Variants in PRAG1 observed in about 807,000 individuals in gnomAD.
The protein encoded by PRAG1 is PEAK1 related, kinase-activating pseudokinase 1.
Under a neutral mutation model 95.6 loss-of-function variants are expected in PRAG1, and 110 were observed. That is an observed-to-expected ratio of 1.15 (90% CI 0.99 to 1.35). The LOEUF is 1.35. Ranked by LOEUF, PRAG1 falls within the 40% of genes most tolerant of loss-of-function variation. PRAG1 has a pLI of 0.00. For synonymous variants in PRAG1, 1,052 were observed against 819.4 expected (o/e 1.28, Z -4.85); for missense variants, 2,554 against 1,864.7 (o/e 1.37, Z -6.81).
Position 8,319,059 on chromosome 8 carries a change from C to A in PRAG1, c.3316G>T (p.Asp1106Tyr), listed in dbSNP as rs754582034. 6 of 1,612,218 alleles carry A rather than the reference C, an allele frequency of 3.7e-6. No individual in the cohort carries two copies. The highest frequency in any genetic ancestry group is 5.1e-6 in the Non-Finnish European group (6 of 1,179,786). ...TCCGCCTGGTGGCTGGCCGCCGAGT[C>A]CCGCACGAAGTCGGAGGCGGTCTGA... ...PHQTASDFVR[D>Y]SAASHQAEPE... Residue 1106 changes from aspartate (D) to tyrosine (Y), a missense_variant, in exon 6 of 6, where the codon GAC (aspartate) becomes TAC (tyrosine). By Grantham distance (160) the Asp-to-Tyr change is radical. Transcript: ENST00000615670.
intron 4 of PRAG1, among the ~76,000 whole-genome samples, chr8:8,339,251 C>G (rs1799090019): frequency 6.6e-6 from 1 of 152,186 alleles, no homozygotes; most frequent in Non-Finnish European, 1.5e-5. Context: ...CACCATGTTG[C>G]CACGTCCACA....
intron 3 of PRAG1, among the ~76,000 whole-genome samples, chr8:8,365,548 C>T (rs555445201): frequency 2.0e-5 from 3 of 152,154 alleles, no homozygotes; most frequent in Non-Finnish European, 4.4e-5. Context: ...CACTTAAGCC[C>T]AGGAGTTGGA....
At chr8:8,338,229 C>G (rs1799052758) in intron 4 of PRAG1, among the ~76,000 whole-genome samples, 2 of 152,218 alleles carry the variant, frequency 1.3e-5, no homozygotes, top group African/African-American at 4.8e-5. Context: ...TTAACCTTAT[C>G]TTTCCTAGTC....
Position 8,319,146 on chromosome 8 carries a change from G to T in PRAG1, c.3229C>A (p.Pro1077Thr). The change falls in exon 6 of 6, where the codon CCC becomes ACC. Residue 1077 changes from proline to threonine, a missense_variant. By Grantham distance (38) the Pro-to-Thr change is conservative. Coordinates refer to ENST00000615670, the MANE Select transcript of PRAG1 (RefSeq NM_001080826.3). Reference sequence around the variant, plus strand: ...TGCTCCTGGGCAGGGGGGTGTGTGGGCAGGGCAGGCACAGGGTCCTTGGGC... The same window carrying T: ...TGCTCCTGGGCAGGGGGGTGTGTGGTCAGGGCAGGCACAGGGTCCTTGGGC... ...DAPKDPVPAL[P>T]THPPAQEQDC... 1 of 1,605,448 alleles carries T rather than the reference G, an allele frequency of 6.2e-7. No individual in the cohort carries two copies. Among genetic ancestry groups the T allele is most frequent in the Non-Finnish European group, 8.5e-7 (1 of 1,176,418 alleles).
Position 8,318,195 on chromosome 8 carries a change from C to T in PRAG1, c.4180G>A (p.Gly1394Arg), listed in dbSNP as rs199946131. The change falls in exon 6 of 6, where the codon GGG becomes AGG. Residue 1394 changes from glycine (G) to arginine (R), a missense_variant. Physicochemically the swap from Gly to Arg is moderately radical, Grantham distance 125. Coordinates refer to ENST00000615670, the MANE Select transcript of PRAG1 (RefSeq NM_001080826.3). This position sits in a 1 kb window ranked among gnomAD's most constrained non-coding sequence, Gnocchi z 4.2. ...CCQYLASAEP[G>R]ALLQSLKLLQ... is the part of the protein sequence containing the mutation. ...AGCTTCAGCGACTGTAAGAGGGCCC[C>T]GGGCTCCGCAGACGCCAGGTACTGG... 66 of 1,614,004 alleles carry T rather than the reference C, an allele frequency of 4.1e-5. No homozygotes were observed. The African/African-American group carries it at 7.7e-4, about 19-fold the overall frequency.
rs1372071240 is a variant in PRAG1 at position 8,376,308 on chromosome 8, A to G, written c.2101T>C (p.Phe701Leu). The G allele has an allele frequency of 6.2e-7, 1 of 1,613,930 alleles. No individual in the cohort carries two copies. Among genetic ancestry groups the G allele is most frequent in the African/African-American group, 1.3e-5 (1 of 74,878 alleles). Reference protein sequence around the residue: ...MSKSASFAFEFPKDRSGIETF... With the variant: ...MSKSASFAFELPKDRSGIETF... ...TCAATCCCACTTCTGTCCTTGGGGA[A>G]CTCAAAGGCAAAAGAGGCGGATTTG... is the stretch of plus-strand genomic sequence containing the variant. Residue 701 changes from phenylalanine (F) to leucine (L), a missense_variant, in exon 3 of 6, where the codon TTC (phenylalanine) becomes CTC (leucine). Coordinates refer to ENST00000615670, the MANE Select transcript of PRAG1 (RefSeq NM_001080826.3).
chr8:8,383,886 G>A (rs150784797), intron 1 of PRAG1, among the ~76,000 whole-genome samples: 52 of 152,258 alleles, frequency 3.4e-4, no homozygotes, highest in African/African-American at 1.2e-3. Flanking sequence ...GTTTTGGGAG[G>A]GGGAAAAAGC....
rs1293417856 is a variant in PRAG1, at chr8:8,319,055, G to A, written c.3320C>T (p.Ser1107Leu). The A allele has an allele frequency of 6.2e-6, 10 of 1,612,460 alleles. No homozygotes were observed. The South Asian group carries it at 6.6e-5, about 11-fold the overall frequency. The stretch of plus-strand genomic sequence containing the variant: ...GGGCTCCGCCTGGTGGCTGGCCGCC[G>A]AGTCCCGCACGAAGTCGGAGGCGGT... ...HQTASDFVRDSAASHQAEPEA... is the reference protein window; with the variant it reads ...HQTASDFVRDLAASHQAEPEA... The change falls in exon 6 of 6, where the codon TCG becomes TTG. Residue 1107 changes from serine (S) to leucine (L), a missense_variant. By Grantham distance (145) the Ser-to-Leu change is moderately radical. Transcript: ENST00000615670.
chr8:8,346,447 G>A (rs761333488), intron 3 of PRAG1, among the ~76,000 whole-genome samples: 9 of 152,204 alleles, frequency 5.9e-5, no homozygotes, highest in South Asian at 2.1e-4. Context: ...CCAGTGGCAC[G>A]GTGTCCTCAG....
intron 5 of PRAG1, among the ~76,000 whole-genome samples, chr8:8,319,919 G>C (rs1170024454): frequency 6.6e-6 from 1 of 152,212 alleles, no homozygotes; most frequent in Non-Finnish European, 1.5e-5. Flanking sequence ...ACTAGAATGG[G>C]TTCTAATAAA....
At chr8:8,325,185 T>G (rs772242449) in intron 5 of PRAG1, among the ~76,000 whole-genome samples, 1 of 152,188 alleles carries the variant, frequency 6.6e-6, no homozygotes, top group Non-Finnish European at 1.5e-5. Flanking sequence ...GCTAATGAAG[T>G]GGAACAGCTG....
rs1800429251 is a variant in PRAG1 at position 8,376,978 on chromosome 8, C to T, written c.1431G>A (p.Met477Ile). ...GATGGTCCTCTTCCGGGTGGGCCGC[C>T]ATGACTGTGATGGTGGCTGACACCT... ...TPQVSATITV[M>I]AAHPEEDHRT... The change falls in exon 3 of 6, where the codon ATG (methionine) becomes ATA (isoleucine). Residue 477 changes from methionine to isoleucine, a missense_variant. By Grantham distance (10) the Met-to-Ile change is conservative. Transcript: ENST00000615670. 6.2e-7 allele frequency: 1 copy of T among 1,613,560 alleles called. No homozygotes were observed. Among genetic ancestry groups the T allele is most frequent in the African/African-American group, 1.3e-5 (1 of 74,948 alleles).
intron 1 of PRAG1, among the ~76,000 whole-genome samples, chr8:8,384,608 CAAAAAAAAAA>C (rs11400182): frequency 1.1e-5 from 1 of 92,462 alleles, no homozygotes; most frequent in African/African-American, 4.3e-5. Flanking sequence ...CGCATGCAGC[CAAAAAAAAAA>C]AAAAAAAAAA....
intron 5 of PRAG1, among the ~76,000 whole-genome samples, chr8:8,326,489 G>C (rs1448134855): frequency 6.6e-6 from 1 of 152,090 alleles, no homozygotes; most frequent in Non-Finnish European, 1.5e-5. Flanking sequence ...AAGGGCCAGG[G>C]TCTCAATAGG....
At chr8:8,349,456 A>G (rs1371293731) in intron 3 of PRAG1, among the ~76,000 whole-genome samples, 3 of 151,560 alleles carry the variant, frequency 2.0e-5, no homozygotes, top group Non-Finnish European at 4.4e-5. Flanking sequence ...AATTTTTTTT[A>G]TATTTTTAGT....
intron 3 of PRAG1, 149 bp downstream of exon 3, chr8:8,376,098 A>G (rs1464838632): frequency 9.2e-7 from 1 of 1,086,254 alleles, no homozygotes; most frequent in East Asian, 2.5e-5. Flanking sequence ...CGAGGGCTGC[A>G]CTGGGACCCT....
At position 8,318,721 on chromosome 8, in the gene PRAG1, CA is replaced by C; in HGVS notation, c.3653del (p.Leu1218Ter). On this transcript the variant is annotated frameshift_variant, in exon 6 of 6. Transcript: ENST00000615670. LOFTEE classifies it high-confidence loss of function. The surrounding 1 kb of genome is among the most constrained non-coding windows in gnomAD (Gnocchi z 4.2). ...QLPRLIISNFLKAKQKPGGTP... is the reference protein window; with the variant it reads ...QLPRLIISNFXKAKQKPGGTP... ...TGCCGCCCGGCTTCTGCTTGGCCTT[CA>C]AAAAGTTGCTGATGATGAGCCGGGG... The C allele has an allele frequency of 2.5e-6, 4 of 1,609,196 alleles. No homozygotes were observed. The highest frequency in any genetic ancestry group is 2.5e-6 in the Non-Finnish European group (3 of 1,178,304).
At chr8:8,319,386 G>A (rs1798402924) in intron 5 of PRAG1, 84 bp from the exon 6 acceptor site, 8 of 1,189,648 alleles carry the variant, frequency 6.7e-6, no homozygotes, top group South Asian at 6.7e-5. Flanking sequence ...GAGTATCTAC[G>A]TGCAATAAGC....
At chr8:8,383,419 T>C (rs1211718960) in intron 1 of PRAG1, among the ~76,000 whole-genome samples, 2 of 151,876 alleles carry the variant, frequency 1.3e-5, no homozygotes, top group African/African-American at 4.8e-5. Flanking sequence ...AAGATAATAA[T>C]TATTTAAAAA....
Sources: gnomAD v4.1 joint callset for allele counts (sites outside exome capture counted in the v4.1 genomes callset) on GRCh38, gnomAD v4.1.1 for gene constraint, Gnocchi (gnomAD v3.1) non-coding constraint, MANE v1.5 for transcripts, NCBI Gene and HGNC (gene_info 2026-07-23, HGNC 2026-07-21) for gene names.